EFCAB8: variants seen among roughly 807,000 people sequenced by gnomAD.
EFCAB8 encodes the protein EF-hand calcium-binding domain-containing protein 8.
In EFCAB8, 100 loss-of-function variants were observed where a neutral mutation model predicts 116.3. The observed-to-expected ratio is 0.86, with a 90% confidence interval of 0.73 to 1.02. The LOEUF is 1.02. Among genes scored for constraint, EFCAB8 ranks in the 50% least tolerant of loss-of-function variants. The pLI, the probability that EFCAB8 is intolerant of heterozygous loss-of-function variation, is 0.00. For synonymous variants in EFCAB8, 558 were observed against 567.9 expected (o/e 0.98, Z 0.25); for missense variants, 1,320 against 1,416.9 (o/e 0.93, Z 1.10).
At chr20:32,907,475 C>T (rs911351841) in intron 13 of EFCAB8, among the ~76,000 whole-genome samples, 35 of 152,326 alleles carry the variant, frequency 2.3e-4, no homozygotes, top group African/African-American at 6.3e-4. Flanking sequence ...ACTTGGGACC[C>T]GCCACTGTGC....
intron 4 of EFCAB8, among the ~76,000 whole-genome samples, 188 bp from the exon 5 acceptor site, chr20:32,878,508 CTTTTTTTT>C (rs1292839813): frequency 8.6e-6 from 1 of 116,652 alleles, no homozygotes; most frequent in African/African-American, 3.1e-5. Context: ...GGCTTGAGTT[CTTTTTTTT>C]TTTTTTTTTT....
intron 2 of EFCAB8, among the ~76,000 whole-genome samples, chr20:32,864,259 G>A (rs1234153555): frequency 6.7e-6 from 1 of 150,314 alleles, no homozygotes; most frequent in Non-Finnish European, 1.5e-5. Context: ...ACAGGCGTGA[G>A]CCACCACACC....
intron 6 of EFCAB8, among the ~76,000 whole-genome samples, chr20:32,887,519 G>A (rs1416832175): frequency 6.6e-6 from 1 of 152,238 alleles, no homozygotes; most frequent in Non-Finnish European, 1.5e-5. Flanking sequence ...AGGTTCCAGT[G>A]AGCCGAGATC....
Position 32,918,493 on chromosome 20 carries a change from C to T in EFCAB8, c.2193C>T (p.Asn731=). 6.4e-7 allele frequency: 1 copy of T among 1,551,742 alleles called. No homozygotes were observed. Among genetic ancestry groups the T allele is most frequent in the Non-Finnish European group, 8.7e-7 (1 of 1,147,000 alleles). The change falls in exon 19 of 27, where the codon AAC becomes AAT. Residue 731 remains asparagine (N), a synonymous_variant. Transcript: ENST00000400522. ...GCCCCGAGTCTGTGGCCAATACCAA[C>T]CTGAGGCGGAGCCTGGTGTCGGCTC... ...SLSPESVANT[N]LRRSLVSAPP...
At chr20:32,868,996 A>C (rs1045847033) in intron 3 of EFCAB8, among the ~76,000 whole-genome samples, 5 of 151,842 alleles carry the variant, frequency 3.3e-5, no homozygotes, top group Non-Finnish European at 5.9e-5. Flanking sequence ...AAAAAAAAAA[A>C]GTCGTCAGCT....
intron 1 of EFCAB8, among the ~76,000 whole-genome samples, chr20:32,862,786 C>T (rs1984180452): frequency 6.6e-6 from 1 of 152,046 alleles, no homozygotes; most frequent in African/African-American, 2.4e-5. Context: ...TGCCACCAAA[C>T]CCGGCTAATT....
At chr20:32,958,625 A>G in intron 24 of EFCAB8, 75 bp downstream of exon 24, 3 of 408,248 alleles carry the variant, frequency 7.3e-6, no homozygotes, top group Admixed American at 4.4e-5. Context: ...GGTCCTGGGA[A>G]GCCTCTACCT....
chr20:32,897,871 G>C (rs577090562), intron 10 of EFCAB8, among the ~76,000 whole-genome samples: 1 of 152,284 alleles, frequency 6.6e-6, no homozygotes, highest in South Asian at 2.1e-4. Context: ...AGAAATATTT[G>C]ATGAGCCAAT....
rs576172117 is a variant in EFCAB8 at position 32,902,358 on chromosome 20, G to T, written c.1088+3735G>T. Among the ~76,000 whole-genome samples the T allele has an allele frequency of 9.6e-4, 146 of 152,160 alleles. 2 individuals carry two copies. The highest frequency in any genetic ancestry group is 3.4e-3 in the African/African-American group (142 of 41,530). ...ACTGGAGATGTATTTTTGGGGTAGGGTAGAGAATATATTTACACACACAAA... is the reference window on the plus strand; with the variant it reads ...ACTGGAGATGTATTTTTGGGGTAGGTTAGAGAATATATTTACACACACAAA... On this transcript the variant is annotated intron_variant, in intron 11 of 26. Coordinates refer to ENST00000400522, the MANE Select transcript of EFCAB8 (RefSeq NM_001143967.2).
At chr20:32,909,158 A>T (rs1464759785) in intron 14 of EFCAB8, among the ~76,000 whole-genome samples, 1 of 152,184 alleles carries the variant, frequency 6.6e-6, no homozygotes, top group Non-Finnish European at 1.5e-5. Flanking sequence ...GGTCGGTGAC[A>T]TGTGTGTCAT....
chr20:32,881,933 C>T (rs960575862), intron 5 of EFCAB8, among the ~76,000 whole-genome samples: 1 of 152,224 alleles, frequency 6.6e-6, no homozygotes, highest in Admixed American at 6.5e-5. Flanking sequence ...CCTGCCCAGG[C>T]ATGGTGGCTC....
intron 22 of EFCAB8, among the ~76,000 whole-genome samples, chr20:32,943,264 G>A (rs1319533187): frequency 6.6e-6 from 1 of 152,166 alleles, no homozygotes; most frequent in African/African-American, 2.4e-5. Context: ...TCCTCTGTAA[G>A]TCAGTGAGAA....
chr20:32,893,055 G>A lies in EFCAB8; in HGVS notation c.759-119G>A, dbSNP rs895272078. 24 of 1,223,126 alleles carry A rather than the reference G, an allele frequency of 2.0e-5. No homozygotes were observed. In the African/African-American group the frequency reaches 3.0e-4, roughly 15 times the overall value. 75.8% of individuals were successfully genotyped at this position (1,223,126 alleles called of 1,614,324 possible). A position where few individuals can be genotyped will look rare whatever the true frequency, so the allele number is the denominator to read the frequency against. On this transcript the variant is annotated intron_variant, in intron 8 of 26. Coordinates refer to ENST00000400522, the MANE Select transcript of EFCAB8 (RefSeq NM_001143967.2). ...GAGGTTTCACCACGTTGGCCAGGCTGGTCTCGAACTCCTGACCTCAGGTGA... is the reference window on the plus strand; with the variant it reads ...GAGGTTTCACCACGTTGGCCAGGCTAGTCTCGAACTCCTGACCTCAGGTGA...
chr20:32,940,575 T>C (rs1988374876), intron 22 of EFCAB8, among the ~76,000 whole-genome samples: 1 of 149,678 alleles, frequency 6.7e-6, no homozygotes, highest in African/African-American at 2.5e-5. Context: ...ACAGATAAAT[T>C]GGACTTTGTC....
rs1407950395 is a variant in EFCAB8 at position 32,906,937 on chromosome 20, G to A, written c.1251G>A (p.Thr417=). ...TGAAGGGACACCAGACCTCAGTGAC[G>A]CACATCCTTGTGGATAGCAGGAACA... ...WLMKGHQTSV[T]HILVDSRNNS... Residue 417 remains threonine, a synonymous_variant, in exon 13 of 27, where the codon ACG becomes ACA. Transcript: ENST00000400522. 12 of 1,548,424 alleles carry A rather than the reference G, an allele frequency of 7.7e-6. No homozygotes were observed. In the East Asian group the frequency reaches 2.4e-4, roughly 32 times the overall value.
chr20:32,930,704 C>T (rs1361064256), intron 21 of EFCAB8, 88 bp downstream of exon 21: 1 of 1,255,850 alleles, frequency 8.0e-7, no homozygotes, highest in African/African-American at 1.5e-5. Context: ...TGCCTAGTTC[C>T]TACTCTGTCT....
chr20:32,945,586 C>T (rs187445389), intron 23 of EFCAB8, among the ~76,000 whole-genome samples: 93 of 152,238 alleles, frequency 6.1e-4, no homozygotes, highest in Middle Eastern at 3.4e-3. Flanking sequence ...AATTAATATA[C>T]CTCAATTTCT....
intron 23 of EFCAB8, among the ~76,000 whole-genome samples, chr20:32,954,823 TG>T (rs1227126253): frequency 6.6e-6 from 1 of 152,240 alleles, no homozygotes; most frequent in Non-Finnish European, 1.5e-5. Context: ...TTTATCCTGT[TG>T]ATGTGGTAAA....
At chr20:32,868,033 A>G (rs908673340) in intron 3 of EFCAB8, among the ~76,000 whole-genome samples, 2 of 151,944 alleles carry the variant, frequency 1.3e-5, no homozygotes, top group African/African-American at 4.8e-5. Flanking sequence ...TTTAGAAACA[A>G]GGGCTTGCTA....
Sources: gnomAD v4.1 joint callset for allele counts (sites outside exome capture counted in the v4.1 genomes callset) on GRCh38, gnomAD v4.1.1 for gene constraint, MANE v1.5 for transcripts, NCBI Gene and HGNC (gene_info 2026-07-23, HGNC 2026-07-21) for gene names.